Variants in PAPOLB observed in about 807,000 individuals in gnomAD.
The protein encoded by PAPOLB is PAP-beta.
A neutral mutation model predicts 23.2 loss-of-function variants in PAPOLB; 19 were observed. That is an observed-to-expected ratio of 0.82 (90% confidence interval 0.57 to 1.20). The LOEUF is 1.20. Among genes scored for constraint, PAPOLB ranks in the 50% most tolerant of loss-of-function variants. PAPOLB has a pLI of 0.00. For synonymous variants in PAPOLB, 360 were observed against 290.7 expected, an observed-to-expected ratio of 1.24 and a Z score of -2.43; for missense variants, 822 against 776.8, an observed-to-expected ratio of 1.06 and a Z score of -0.69.
At position 4,861,033 on chromosome 7, in the gene PAPOLB, G is replaced by C; in HGVS notation, c.778C>G (p.Leu260Val). The change falls in exon 1 of 1, where the codon CTT (leucine) becomes GTT (valine). Residue 260 changes from leucine to valine, a missense_variant. Around this residue, in one of 3 missense-constraint regions of PAPOLB, gnomAD observed 534 missense variants for 502.8 expected, o/e 1.06. Coordinates refer to ENST00000404991, the MANE Select transcript of PAPOLB (RefSeq NM_020144.5). ...GTTGACGCTACTGCATTTGGATAAAGCTGACAAGTTCTTGCTACTAGCATG... is the reference window on the plus strand; with the variant it reads ...GTTGACGCTACTGCATTTGGATAAACCTGACAAGTTCTTGCTACTAGCATG... ...WAMLVARTCQ[L>V]YPNAVASTLV... The C allele has an allele frequency of 6.2e-7, 1 of 1,614,192 alleles. No individual in the cohort carries two copies. The highest frequency in any genetic ancestry group is 8.5e-7 in the Non-Finnish European group (1 of 1,180,038).
chr7:4,859,754 T>C lies in PAPOLB; in HGVS notation c.*143A>G. 3.2e-6 allele frequency: 2 copies of C among 618,484 alleles called. No homozygotes were observed. The highest frequency in any genetic ancestry group is 5.7e-6 in the Non-Finnish European group (2 of 348,876). 38.3% of individuals were successfully genotyped at this position (618,484 alleles called of 1,614,324 possible). On this transcript the variant is annotated 3_prime_UTR_variant, in exon 1 of 1. Coordinates refer to ENST00000404991, the MANE Select transcript of PAPOLB (RefSeq NM_020144.5). ...GATACCGGAAAGATCTATACTGATG[T>C]TCCCTGAGAGGCCAATAGAGAAGAT...
chr7:4,859,721 A>T lies in PAPOLB; in HGVS notation c.*176T>A. The stretch of plus-strand genomic sequence containing the variant: ...GATAACAGGAATTGGATTTGCAGGG[A>T]GAACAGGGATACCGGAAAGATCTAT... On this transcript the variant is annotated 3_prime_UTR_variant, in exon 1 of 1. Coordinates refer to ENST00000404991, the MANE Select transcript of PAPOLB (RefSeq NM_020144.5). The T allele has an allele frequency of 1.7e-6, 1 of 593,510 alleles. No homozygotes were observed. Among genetic ancestry groups the T allele is most frequent in the East Asian group, 2.8e-5 (1 of 35,930 alleles). The allele number at this position is 593,510 out of a possible 1,614,324, so 36.8% of individuals were successfully genotyped here.
Position 4,861,818 on chromosome 7 carries a change from C to T in PAPOLB, c.-8G>A. ...CACCGGAAACGGCATCATCTTTCAG[C>T]GCCCGCCCCGCCAGGGCACGTCCCC... On this transcript the variant is annotated 5_prime_UTR_variant, in exon 1 of 1. Coordinates refer to ENST00000404991, the MANE Select transcript of PAPOLB (RefSeq NM_020144.5). The T allele has an allele frequency of 7.0e-7, 1 of 1,422,488 alleles. No homozygotes were observed. The highest frequency in any genetic ancestry group is 3.0e-5 in the Admixed American group (1 of 33,132). The allele number at this position is 1,422,488 out of a possible 1,614,324, so 88.1% of individuals were successfully genotyped here. A position where few individuals can be genotyped will look rare whatever the true frequency, so the allele number is the denominator to read the frequency against.
rs1467436700 is a variant in PAPOLB, at chr7:4,860,371, C to T, written c.1440G>A (p.Met480Ile). The T allele has an allele frequency of 3.7e-6, 6 of 1,613,838 alleles. No homozygotes were observed. Among genetic ancestry groups the T allele is most frequent in the South Asian group, 1.1e-5 (1 of 91,082 alleles). Residue 480 changes from methionine to isoleucine, a missense_variant, in exon 1 of 1, where the codon ATG becomes ATA. By Grantham distance (10) the Met-to-Ile change is conservative (BLOSUM62 1). Around this residue, in one of 3 missense-constraint regions of PAPOLB, gnomAD observed 534 missense variants for 502.8 expected, o/e 1.06. Transcript: ENST00000404991. ...AATGCATTGCAGTAATTTTCATACC[C>T]ATCTCAAACATCTTACTATTCACTG... ...RQAVNSKMFEMGMKITAMHLR... is the reference protein window; with the variant it reads ...RQAVNSKMFEIGMKITAMHLR...
At position 4,859,890 on chromosome 7, in the gene PAPOLB, A is replaced by C. The variant is rs1427625318; in HGVS notation, c.*7T>G. 6 of 1,558,026 alleles carry C rather than the reference A, an allele frequency of 3.9e-6. No individual in the cohort carries two copies. Among genetic ancestry groups the C allele is most frequent in the Non-Finnish European group, 5.3e-6 (6 of 1,133,132 alleles). On this transcript the variant is annotated 3_prime_UTR_variant, in exon 1 of 1. Transcript: ENST00000404991. ...TTTATGAGGCAAGAATATCCTCTAG[A>C]CTCCAACTATAGGATTAGATATGTT...
At position 4,860,760 on chromosome 7, in the gene PAPOLB, CGT is replaced by C; in HGVS notation, c.1049_1050del (p.His350ArgfsTer6). On this transcript the variant is annotated frameshift_variant, in exon 1 of 1. Transcript: ENST00000404991. The stretch of plus-strand genomic sequence containing the variant: ...CACTCTGCCTTACTTAGCAAAATCT[CGT>C]GTGTGATAGCAAGCCCCTGTTTAAA... ...EEFKQGLAIT[H>X]EILLSKAEWS... 6.2e-7 allele frequency: 1 copy of C among 1,614,112 alleles called. No individual in the cohort carries two copies. Among genetic ancestry groups the C allele is most frequent in the Non-Finnish European group, 8.5e-7 (1 of 1,180,006 alleles).
chr7:4,860,736 A>C lies in PAPOLB; in HGVS notation c.1075T>G (p.Trp359Gly). 1 of 1,613,950 alleles carries C rather than the reference A, an allele frequency of 6.2e-7. No homozygotes were observed. Among genetic ancestry groups the C allele is most frequent in the Non-Finnish European group, 8.5e-7 (1 of 1,179,930 alleles). ...THEILLSKAE[W>G]SKLFEAPSFF... The stretch of plus-strand genomic sequence containing the variant: ...CTTGGAGCTTCAAAGAGTTTGGACC[A>C]CTCTGCCTTACTTAGCAAAATCTCG... The change falls in exon 1 of 1, where the codon TGG (tryptophan) becomes GGG (glycine). Residue 359 changes from tryptophan (W) to glycine (G), a missense_variant. Trp to Gly is a radical substitution (Grantham distance 184). Coordinates refer to ENST00000404991, the MANE Select transcript of PAPOLB (RefSeq NM_020144.5).
rs774924836 is a variant in PAPOLB at position 4,861,607 on chromosome 7, T to C, written c.204A>G (p.Lys68=). Reference sequence around the variant, plus strand: ...TCCATTCCTTTACCAGATTATTTAATTTTTCCAAAACTAAAATCCTGCGCT... The same window carrying C: ...TCCATTCCTTTACCAGATTATTTAACTTTTCCAAAACTAAAATCCTGCGCT... ...ELQRRILVLE[K]LNNLVKEWIR... Residue 68 remains lysine (K), a synonymous_variant, in exon 1 of 1, where the codon AAA becomes AAG. Transcript: ENST00000404991. The C allele has an allele frequency of 9.9e-6, 16 of 1,611,686 alleles. No homozygotes were observed. Among genetic ancestry groups the C allele is most frequent in the South Asian group, 5.5e-5 (5 of 90,738 alleles).
chr7:4,860,291 T>C lies in PAPOLB; in HGVS notation c.1520A>G (p.Lys507Arg), dbSNP rs745509284. ...TCTTCTACCTTCTGTTGAGTGTGCT[T>C]TCTTGTCCTGAAGCACATGATGAGG... ...LLPHHVLQDKKAHSTEGRRLT... is the reference protein window; with the variant it reads ...LLPHHVLQDKRAHSTEGRRLT... The change falls in exon 1 of 1, where the codon AAA becomes AGA. Residue 507 changes from lysine to arginine, a missense_variant. By Grantham distance (26) the Lys-to-Arg change is conservative. Transcript: ENST00000404991. The C allele has an allele frequency of 5.0e-5, 81 of 1,613,826 alleles. No homozygotes were observed. The highest frequency in any genetic ancestry group is 8.5e-7 in the Non-Finnish European group (1 of 1,179,840).
Position 4,860,661 on chromosome 7 carries a change from T to C in PAPOLB, c.1150A>G (p.Thr384Ala). Reference protein sequence around the residue: ...HYIVLLASASTEKQHLEWVGL... With the variant: ...HYIVLLASASAEKQHLEWVGL... ...ACCCATTCTAAATGTTGTTTTTCTG[T>C]TGATGCACTTGCCAGAAGTACAATA... Residue 384 changes from threonine to alanine, a missense_variant, in exon 1 of 1, where the codon ACA becomes GCA. Thr to Ala is a moderately conservative substitution (Grantham distance 58). Around this residue, in one of 3 missense-constraint regions of PAPOLB, gnomAD observed 534 missense variants for 502.8 expected, o/e 1.06. Coordinates refer to ENST00000404991, the MANE Select transcript of PAPOLB (RefSeq NM_020144.5). 6.2e-7 allele frequency: 1 copy of C among 1,614,224 alleles called. No individual in the cohort carries two copies.
rs780322236 is a variant in PAPOLB at position 4,861,664 on chromosome 7, G to A, written c.147C>T (p.Pro49=). The A allele has an allele frequency of 1.2e-6, 2 of 1,600,496 alleles. No individual in the cohort carries two copies. Among genetic ancestry groups the A allele is most frequent in the African/African-American group, 2.7e-5 (2 of 74,178 alleles). ...LTQRLIETLR[P]FGVFEEEEEL... ...CCTCTTCCTCTTCGAAGACCCCGAA[G>A]GGCCTGAGGGTTTCTATTAGCCTCT... The change falls in exon 1 of 1, where the codon CCC becomes CCT. Residue 49 remains proline (P), a synonymous_variant. Coordinates refer to ENST00000404991, the MANE Select transcript of PAPOLB (RefSeq NM_020144.5).
Position 4,859,743 on chromosome 7 carries a change from C to A in PAPOLB, c.*154G>T, listed in dbSNP as rs1456791281. ...GGGAGAACAGGGATACCGGAAAGAT[C>A]TATACTGATGTTCCCTGAGAGGCCA... On this transcript the variant is annotated 3_prime_UTR_variant, in exon 1 of 1. Transcript: ENST00000404991. 3.3e-6 allele frequency: 2 copies of A among 614,594 alleles called. No individual in the cohort carries two copies. Among genetic ancestry groups the A allele is most frequent in the Non-Finnish European group, 5.8e-6 (2 of 346,986 alleles). The allele number at this position is 614,594 out of a possible 1,614,324, so 38.1% of individuals were successfully genotyped here. A position where few individuals can be genotyped will look rare whatever the true frequency, so the allele number is the denominator to read the frequency against.
rs369156860 is a variant in PAPOLB at position 4,859,999 on chromosome 7, A to T, written c.1812T>A (p.Ser604=). ...TGGCGACCATGGCCTTTGGTGATGG[A>T]GAAATGGCAGGCTGAGAGACAGCGT... ...IPHAVSQPAI[S]PSPKAMVARV... Residue 604 remains serine, a synonymous_variant, in exon 1 of 1, where the codon TCT becomes TCA. Transcript: ENST00000404991. The T allele has an allele frequency of 6.2e-7, 1 of 1,613,890 alleles. No homozygotes were observed. The highest frequency in any genetic ancestry group is 8.5e-7 in the Non-Finnish European group (1 of 1,179,878).
Position 4,860,757 on chromosome 7 carries a change from T to C in PAPOLB, c.1054A>G (p.Ile352Val), listed in dbSNP as rs1204735379. The change falls in exon 1 of 1, where the codon ATT (isoleucine) becomes GTT (valine). Residue 352 changes from isoleucine to valine, a missense_variant. Physicochemically the swap from Ile to Val is conservative, Grantham distance 29. Coordinates refer to ENST00000404991, the MANE Select transcript of PAPOLB (RefSeq NM_020144.5). ...GACCACTCTGCCTTACTTAGCAAAA[T>C]CTCGTGTGTGATAGCAAGCCCCTGT... ...FKQGLAITHE[I>V]LLSKAEWSKL... 2 of 1,614,034 alleles carry C rather than the reference T, an allele frequency of 1.2e-6. No individual in the cohort carries two copies. Among genetic ancestry groups the C allele is most frequent in the Admixed American group, 1.7e-5 (1 of 60,000 alleles).
rs916295914 is a variant in PAPOLB at position 4,858,311 on chromosome 7, C to G, written c.*1586G>C. ...GGTTAAAGCAAGGCTAATTGGAAAG[C>G]CTGTTAAGTTTGCTGTCTAGATTAA... On this transcript the variant is annotated 3_prime_UTR_variant, in exon 1 of 1. Coordinates refer to ENST00000404991, the MANE Select transcript of PAPOLB (RefSeq NM_020144.5). 9.2e-5 allele frequency: 14 copies of G among 152,100 alleles called. No individual in the cohort carries two copies. Among genetic ancestry groups the G allele is most frequent in the Admixed American group, 7.2e-4 (11 of 15,264 alleles). 9.4% of individuals were successfully genotyped at this position (152,100 alleles called of 1,614,324 possible).
rs1004347908 is a variant in PAPOLB, at chr7:4,857,890, G to C, written c.*2007C>G. On this transcript the variant is annotated 3_prime_UTR_variant, in exon 1 of 1. Coordinates refer to ENST00000404991, the MANE Select transcript of PAPOLB (RefSeq NM_020144.5). Reference sequence around the variant, plus strand: ...ACATGAAAAAATGGTCTGACATTCAGGTAATAAAAATTAGAAATAAAAAGT... The same window carrying C: ...ACATGAAAAAATGGTCTGACATTCACGTAATAAAAATTAGAAATAAAAAGT... 6.6e-6 allele frequency: 1 copy of C among 152,494 alleles called. No individual in the cohort carries two copies. Among genetic ancestry groups the C allele is most frequent in the Non-Finnish European group, 1.5e-5 (1 of 67,996 alleles). 9.4% of individuals were successfully genotyped at this position (152,494 alleles called of 1,614,324 possible). A position where few individuals can be genotyped will look rare whatever the true frequency, so the allele number is the denominator to read the frequency against.
Position 4,861,792 on chromosome 7 carries a change from T to A in PAPOLB, c.19A>T (p.Thr7Ser). The change falls in exon 1 of 1, where the codon ACA becomes TCA. Residue 7 changes from threonine to serine, a missense_variant. Thr to Ser is a moderately conservative substitution (Grantham distance 58). Around this residue, in one of 3 missense-constraint regions of PAPOLB, gnomAD observed 276 missense variants for 243.9 expected, o/e 1.13. Transcript: ENST00000404991. MMPFPV[T>S]TQGPPQPAPP... Reference sequence around the variant, plus strand: ...GCCGGCTGCGGTGGTCCCTGGGTTGTCACCGGAAACGGCATCATCTTTCAG... The same window carrying A: ...GCCGGCTGCGGTGGTCCCTGGGTTGACACCGGAAACGGCATCATCTTTCAG... 1 of 1,454,012 alleles carries A rather than the reference T, an allele frequency of 6.9e-7. No individual in the cohort carries two copies. Among genetic ancestry groups the A allele is most frequent in the Non-Finnish European group, 9.0e-7 (1 of 1,106,998 alleles). The allele number at this position is 1,454,012 out of a possible 1,614,324, so 90.1% of individuals were successfully genotyped here.
In PAPOLB at chr7:4,860,492, A is replaced by G. The variant is rs1354196192; in HGVS notation, c.1319T>C (p.Ile440Thr). The G allele has an allele frequency of 4.3e-6, 7 of 1,614,162 alleles. No homozygotes were observed. Among genetic ancestry groups the G allele is most frequent in the East Asian group, 2.2e-5 (1 of 44,882 alleles). Residue 440 changes from isoleucine (I) to threonine (T), a missense_variant, in exon 1 of 1, where the codon ATT becomes ACT. By Grantham distance (89) the Ile-to-Thr change is moderately conservative. Coordinates refer to ENST00000404991, the MANE Select transcript of PAPOLB (RefSeq NM_020144.5). ...ATCTGGCTTTTTTAGCCCTAACCCA[A>G]TCACCCACATTGTACGAAATTCTTC... ...DMEEFRTMWV[I>T]GLGLKKPDNS... is the part of the protein sequence containing the mutation.
At position 4,859,853 on chromosome 7, in the gene PAPOLB, G is replaced by C. The variant is rs1276402426; in HGVS notation, c.*44C>G. On this transcript the variant is annotated 3_prime_UTR_variant, in exon 1 of 1. Transcript: ENST00000404991. ...TCTCCTCTTCCGTTTTGGTTTTCTT[G>C]GTCCTTTCTTCTTTATGAGGCAAGA... is the stretch of plus-strand genomic sequence containing the variant. 1 of 1,345,388 alleles carries C rather than the reference G, an allele frequency of 7.4e-7. No homozygotes were observed. Among genetic ancestry groups the C allele is most frequent in the Non-Finnish European group, 1.0e-6 (1 of 966,468 alleles). The allele number at this position is 1,345,388 out of a possible 1,614,324, so 83.3% of individuals were successfully genotyped here. A position where few individuals can be genotyped will look rare whatever the true frequency, so the allele number is the denominator to read the frequency against.
Sources: allele counts gnomAD v4.1 joint callset, GRCh38; gene constraint gnomAD v4.1.1; regional missense constraint gnomAD v4.1.1; transcripts MANE v1.5; gene names NCBI Gene and HGNC (gene_info 2026-07-23, HGNC 2026-07-21).